Variants in ZMIZ2 observed in about 807,000 individuals in gnomAD.
ZMIZ2 encodes the protein zinc finger MIZ-type containing 2.
A neutral mutation model predicts 93.9 loss-of-function variants in ZMIZ2; 26 were observed. The ratio of observed to expected loss-of-function variants is 0.28; its 90% confidence interval spans 0.20 to 0.38. ZMIZ2 has a LOEUF of 0.38. ZMIZ2 is among the 10% of genes least tolerant of loss of function. The pLI, the probability that ZMIZ2 is intolerant of heterozygous loss-of-function variation, is 1.00. For missense variants in ZMIZ2, 1,023 were observed against 1,235.0 expected, an observed-to-expected ratio of 0.83 and a Z score of 2.57; for synonymous variants, 485 against 516.4, an observed-to-expected ratio of 0.94 and a Z score of 0.82.
Position 44,762,868 on chromosome 7 carries a change from C to T in ZMIZ2, c.1597-13C>T, listed in dbSNP as rs577054176. 1.9e-5 allele frequency: 30 copies of T among 1,594,536 alleles called. No individual in the cohort carries two copies. The African/African-American group carries it at 2.0e-4, about 11-fold the overall frequency. ...CCAAGTCCCCCTGATGACATCCTCCCGTTGTATTGCAGTCCCACCTCTTCG... is the reference window on the plus strand; with the variant it reads ...CCAAGTCCCCCTGATGACATCCTCCTGTTGTATTGCAGTCCCACCTCTTCG... On this transcript the variant is annotated splice_polypyrimidine_tract_variant and intron_variant, in intron 11 of 18. Transcript: ENST00000309315.
chr7:44,760,697 TG>T, intron 9 of ZMIZ2, 104 bp downstream of exon 9: 1 of 1,406,154 alleles, frequency 7.1e-7, no homozygotes, highest in Non-Finnish European at 9.7e-7. Context: ...GGACAGGGGA[TG>T]GCTGCCATAT....
At chr7:44,755,908 G>C (rs900522217) in intron 1 of ZMIZ2, among the ~76,000 whole-genome samples, 1 of 152,156 alleles carries the variant, frequency 6.6e-6, no homozygotes, top group South Asian at 2.1e-4. Context: ...ATTTGGAATC[G>C]GGAAGTCCAT....
chr7:44,750,601 G>C (rs1019128265), intron 1 of ZMIZ2, among the ~76,000 whole-genome samples: 1 of 152,214 alleles, frequency 6.6e-6, no homozygotes, highest in Non-Finnish European at 1.5e-5. Flanking sequence ...GGCAGGCAGA[G>C]AGGTGGCATG....
rs1248357758 is a variant in ZMIZ2 at position 44,764,407 on chromosome 7, A to T, written c.1861-12A>T. On this transcript the variant is annotated splice_polypyrimidine_tract_variant and intron_variant, in intron 13 of 18. Transcript: ENST00000309315. ...ACAATGAGAAACTGACTTTCTTCCC[A>T]TCTCTCTACAGTGCTTTGACCTGGA... is the stretch of plus-strand genomic sequence containing the variant. The T allele has an allele frequency of 6.2e-7, 1 of 1,613,742 alleles. No homozygotes were observed. Among genetic ancestry groups the T allele is most frequent in the Non-Finnish European group, 8.5e-7 (1 of 1,179,796 alleles).
chr7:44,763,626 T>G lies in ZMIZ2; in HGVS notation c.1860+213T>G, dbSNP rs1791417273. The G allele has an allele frequency of 3.2e-6, 2 of 618,924 alleles. No homozygotes were observed. The highest frequency in any genetic ancestry group is 2.3e-5 in the South Asian group (1 of 43,334). 38.3% of individuals were successfully genotyped at this position (618,924 alleles called of 1,614,324 possible). On this transcript the variant is annotated intron_variant, in intron 13 of 18. Coordinates refer to ENST00000309315, the MANE Select transcript of ZMIZ2 (RefSeq NM_031449.4). This position sits in a 1 kb window ranked among gnomAD's most constrained non-coding sequence, Gnocchi z 5.6. ...CAAATATAATTGTCATTTTACTAAC[T>G]TTTTTACTGCCTGCTTCATTCATGG...
At position 44,761,955 on chromosome 7, in the gene ZMIZ2, G is replaced by A; in HGVS notation, c.1596+50G>A. Reference sequence around the variant, plus strand: ...GGTGCTGTGGCGTGGGGCGGGGTGTGGTGGGGCCTGGCCCAGCGGTGCCGT... The same window carrying A: ...GGTGCTGTGGCGTGGGGCGGGGTGTAGTGGGGCCTGGCCCAGCGGTGCCGT... On this transcript the variant is annotated intron_variant, in intron 11 of 18. Transcript: ENST00000309315. The surrounding 1 kb of genome is among the most constrained non-coding windows in gnomAD (Gnocchi z 5.8). 7 of 1,545,370 alleles carry A rather than the reference G, an allele frequency of 4.5e-6. No homozygotes were observed. The highest frequency in any genetic ancestry group is 1.4e-5 in the African/African-American group (1 of 73,934).
chr7:44,755,692 C>T (rs1275002369), intron 1 of ZMIZ2, among the ~76,000 whole-genome samples: 1 of 152,180 alleles, frequency 6.6e-6, no homozygotes, highest in Non-Finnish European at 1.5e-5. Context: ...CCGCCTATGC[C>T]CCTACCTGGG....
Position 44,760,554 on chromosome 7 carries a change from C to A in ZMIZ2, c.1201C>A (p.Leu401Ile), listed in dbSNP as rs776463327. The stretch of plus-strand genomic sequence containing the variant: ...GGTCAAGTCTCCCTTCTTGCCTGAT[C>A]TCAAGCCCAACCTCAACTCCTTGCA... ...QEVKSPFLPD[L>I]KPNLNSLHSS... Residue 401 changes from leucine (L) to isoleucine (I), a missense_variant, in exon 9 of 19, where the codon CTC becomes ATC. Around this residue, in one of 3 missense-constraint regions of ZMIZ2, gnomAD observed 656 missense variants for 777.1 expected, o/e 0.84. Coordinates refer to ENST00000309315, the MANE Select transcript of ZMIZ2 (RefSeq NM_031449.4). 6.2e-7 allele frequency: 1 copy of A among 1,614,024 alleles called. No individual in the cohort carries two copies. Among genetic ancestry groups the A allele is most frequent in the Admixed American group, 1.7e-5 (1 of 59,998 alleles).
intron 4 of ZMIZ2, 111 bp downstream of exon 4, chr7:44,757,260 G>A (rs1376355529): frequency 6.7e-6 from 10 of 1,500,386 alleles, no homozygotes; most frequent in Non-Finnish European, 8.0e-6. Context: ...CCTGACAGCT[G>A]TAGTGGAGGG....
intron 1 of ZMIZ2, 85 bp downstream of exon 1, chr7:44,749,076 C>T: frequency 6.6e-6 from 1 of 152,140 alleles, no homozygotes; most frequent in Non-Finnish European, 1.5e-5. Context: ...GCGGCAGGTG[C>T]GGGCCGGCAG....
chr7:44,767,619 A>G lies in ZMIZ2; in HGVS notation c.2759A>G (p.Asn920Ser), dbSNP rs746749433. The change falls in exon 19 of 19, where the codon AAC becomes AGC. Residue 920 changes from asparagine (N) to serine (S), a missense_variant. This residue lies in a region of ZMIZ2 where 319 missense variants were observed against 358.8 expected (regional missense o/e 0.89). Coordinates refer to ENST00000309315, the MANE Select transcript of ZMIZ2 (RefSeq NM_031449.4). ...NDDLLSLFEN[N>S] Reference sequence around the variant, plus strand: ...GACCTGCTTTCTCTGTTTGAGAACAACTGATCCTGTGTTTACCCCAAGCCC... The same window carrying G: ...GACCTGCTTTCTCTGTTTGAGAACAGCTGATCCTGTGTTTACCCCAAGCCC... The G allele has an allele frequency of 3.7e-6, 6 of 1,613,840 alleles. No homozygotes were observed. The highest frequency in any genetic ancestry group is 4.5e-5 in the East Asian group (2 of 44,884).
chr7:44,763,111 T>C lies in ZMIZ2; in HGVS notation c.1702+125T>C. On this transcript the variant is annotated intron_variant, in intron 12 of 18. Transcript: ENST00000309315. The surrounding 1 kb of genome is among the most constrained non-coding windows in gnomAD (Gnocchi z 5.6). ...GGCCTTCTCCTTGGACAGGTGGCTC[T>C]GCAGTAGGGGCAGTGGTTAGTTCCA... 1 of 1,437,244 alleles carries C rather than the reference T, an allele frequency of 7.0e-7. No individual in the cohort carries two copies. The highest frequency in any genetic ancestry group is 1.3e-5 in the South Asian group (1 of 78,674). 89.0% of individuals were successfully genotyped at this position (1,437,244 alleles called of 1,614,324 possible).
rs372237326 is a variant in ZMIZ2, at chr7:44,761,465, C to G, written c.1257C>G (p.Asp419Glu). The G allele has an allele frequency of 5.6e-6, 9 of 1,613,578 alleles. No individual in the cohort carries two copies. Among genetic ancestry groups the G allele is most frequent in the Non-Finnish European group, 7.6e-6 (9 of 1,180,014 alleles). ...TGCTCCCAGGAAGCGGGCCTTGTGA[C>G]GAGTTGCGGCTGACCTTCCCTGTGC... is the stretch of plus-strand genomic sequence containing the variant. ...HSSPSGSGPC[D>E]ELRLTFPVRD... Residue 419 changes from aspartate to glutamate, a missense_variant, in exon 10 of 19, where the codon GAC becomes GAG. Asp to Glu is a conservative substitution (Grantham distance 45, BLOSUM62 2). Coordinates refer to ENST00000309315, the MANE Select transcript of ZMIZ2 (RefSeq NM_031449.4). This position sits in a 1 kb window ranked among gnomAD's most constrained non-coding sequence, Gnocchi z 5.8.
Position 44,766,305 on chromosome 7 carries a change from A to G in ZMIZ2, c.2384A>G (p.Glu795Gly). 6.3e-7 allele frequency: 1 copy of G among 1,596,360 alleles called. No homozygotes were observed. The highest frequency in any genetic ancestry group is 8.5e-7 in the Non-Finnish European group (1 of 1,171,946). ...SDIPSSLLTSEKSTACLPSQM... is the reference protein window; with the variant it reads ...SDIPSSLLTSGKSTACLPSQM... Reference sequence around the variant, plus strand: ...ATTCCCAGCAGCCTCCTGACTTCAGAGAAGTCTACCGCCTGCCTCCCAAGC... The same window carrying G: ...ATTCCCAGCAGCCTCCTGACTTCAGGGAAGTCTACCGCCTGCCTCCCAAGC... Residue 795 changes from glutamate (E) to glycine (G), a missense_variant, in exon 17 of 19, where the codon GAG (glutamate) becomes GGG (glycine). Physicochemically the swap from Glu to Gly is moderately conservative, Grantham distance 98. Around this residue, in one of 3 missense-constraint regions of ZMIZ2, gnomAD observed 319 missense variants for 358.8 expected, o/e 0.89. Transcript: ENST00000309315. The surrounding 1 kb of genome is among the most constrained non-coding windows in gnomAD (Gnocchi z 4.4).
At position 44,765,563 on chromosome 7, in the gene ZMIZ2, C is replaced by T. The variant is rs1238220334; in HGVS notation, c.2226C>T (p.Ser742=). 4 of 1,409,520 alleles carry T rather than the reference C, an allele frequency of 2.8e-6. No individual in the cohort carries two copies. Among genetic ancestry groups the T allele is most frequent in the Non-Finnish European group, 2.8e-6 (3 of 1,062,788 alleles). 87.3% of individuals were successfully genotyped at this position (1,409,520 alleles called of 1,614,324 possible). A position where few individuals can be genotyped will look rare whatever the true frequency, so the allele number is the denominator to read the frequency against. The change falls in exon 16 of 19, where the codon AGC becomes AGT. Residue 742 remains serine (S), a synonymous_variant. Transcript: ENST00000309315. The surrounding 1 kb of genome is among the most constrained non-coding windows in gnomAD (Gnocchi z 4.1). ...AGCCCCCCTCAGTCCCTGCCCCCAG[C>T]GACTACCCTGGCCAGGGTAAGTACA... The part of the protein sequence containing the change: ...PLQPPSVPAP[S]DYPGQGSSFL...
At chr7:44,748,769 G>A (rs1278351703), upstream of ZMIZ2, 2 of 151,574 alleles carry the variant, frequency 1.3e-5, no homozygotes, top group Non-Finnish European at 3.0e-5. Context: ...CCGGCTCGGG[G>A]CTCTGCTGCT....
At chr7:44,756,641 G>A in intron 3 of ZMIZ2, 102 bp downstream of exon 3, 2 of 1,302,548 alleles carry the variant, frequency 1.5e-6, no homozygotes, top group Non-Finnish European at 2.2e-6. Flanking sequence ...GAGGCTGAGA[G>A]GTGAGGACAG....
chr7:44,757,706 G>C, intron 5 of ZMIZ2, 142 bp from the exon 6 acceptor site: 1 of 1,446,502 alleles, frequency 6.9e-7, no homozygotes, highest in Non-Finnish European at 9.2e-7. Flanking sequence ...GTGGGAAGGA[G>C]TGAGGGTCTG....
intron 4 of ZMIZ2, 44 bp from the exon 5 acceptor site, chr7:44,757,334 C>CATGAGCCCACGCAGAGAGCGTGGCA: frequency 1.3e-6 from 2 of 1,583,812 alleles, no homozygotes; most frequent in Non-Finnish European, 1.7e-6. Flanking sequence ...TCCTGGCCCT[C>CATGAGCCCACGCAGAGAGCGTGGCA]ATGAGCCCAC....
Sources: gnomAD v4.1 joint callset for allele counts (sites outside exome capture counted in the v4.1 genomes callset) on GRCh38, gnomAD v4.1.1 for gene constraint, gnomAD v4.1.1 regional missense constraint, Gnocchi (gnomAD v3.1) non-coding constraint, MANE v1.5 for transcripts, NCBI Gene and HGNC (gene_info 2026-07-23, HGNC 2026-07-21) for gene names.